GRIN3B: variants seen among roughly 807,000 people sequenced by gnomAD.
The protein encoded by GRIN3B is glutamate receptor ionotropic, NMDA 3B.
A neutral mutation model predicts 66.0 loss-of-function variants in GRIN3B; 77 were observed. The observed-to-expected ratio is 1.17, with a 90% CI of 0.97 to 1.41. The LOEUF is 1.41. Ranked by LOEUF, GRIN3B falls within the 40% of genes most tolerant of loss-of-function variation. The pLI, the probability that GRIN3B is intolerant of heterozygous loss-of-function variation, is 0.00. For synonymous variants in GRIN3B, 823 were observed against 749.7 expected (o/e 1.10, Z -1.60); for missense variants, 1,787 against 1,564.5 (o/e 1.14, Z -2.40).
At chr19:1,004,476 G>C in intron 2 of GRIN3B, 45 bp from the exon 3 acceptor site, 1 of 1,492,792 alleles carries the variant, frequency 6.7e-7, no homozygotes, top group Non-Finnish European at 9.1e-7. Context: ...GAGGATGGAG[G>C]GGTGTGAACT....
intron 6 of GRIN3B, 133 bp downstream of exon 6, chr19:1,008,424 C>T (rs890236194): frequency 1.9e-6 from 2 of 1,038,770 alleles, no homozygotes; most frequent in African/African-American, 1.6e-5. Context: ...TTCTATTCAC[C>T]CTACAAAACC....
rs780373059 is a variant in GRIN3B at position 1,007,949 on chromosome 19, G to A, written c.2292G>A (p.Val764=). The A allele has an allele frequency of 3.1e-6, 5 of 1,612,166 alleles. No homozygotes were observed. In the Admixed American group the frequency reaches 5.0e-5, roughly 16 times the overall value. ...SIDADCKLLT[V]GKPFAIEGYG... ...ACGCCGACTGCAAACTGCTGACCGT[G>A]GGAAAGCCCTTCGCCATTGAGGGTG... The change falls in exon 5 of 9, where the codon GTG becomes GTA. Residue 764 remains valine, a synonymous_variant. Transcript: ENST00000234389. The surrounding 1 kb of genome is among the most constrained non-coding windows in gnomAD (Gnocchi z 4.4).
At position 1,004,816 on chromosome 19, in the gene GRIN3B, T is replaced by G; in HGVS notation, c.1315T>G (p.Cys439Gly). 6.2e-7 allele frequency: 1 copy of G among 1,612,730 alleles called. No individual in the cohort carries two copies. The highest frequency in any genetic ancestry group is 8.5e-7 in the Non-Finnish European group (1 of 1,179,520). ...FARDPDEDGQ[C>G]PAGQLCLDPG... ...CCGTGATCCAGACGAAGACGGGCAG[T>G]GCCCAGCGGGGCAGCTGTGCCTGGA... The change falls in exon 3 of 9, where the codon TGC (cysteine) becomes GGC (glycine). Residue 439 changes from cysteine (C) to glycine (G), a missense_variant. Cys to Gly is a radical substitution (Grantham distance 159). Transcript: ENST00000234389.
rs1231331570 is a variant in GRIN3B at position 1,000,453 on chromosome 19, G to A, written c.16G>A (p.Ala6Thr). The change falls in exon 1 of 9, where the codon GCG becomes ACG. Residue 6 changes from alanine to threonine, a missense_variant. Ala to Thr is a moderately conservative substitution (Grantham distance 58, BLOSUM62 0). Transcript: ENST00000234389. MEFVR[A>T]LWLGLALALG... ...CAACTTTGCGATGGAGTTTGTGCGG[G>A]CGCTGTGGCTGGGCCTGGCGCTGGC... is the stretch of plus-strand genomic sequence containing the variant. 2 of 1,212,978 alleles carry A rather than the reference G, an allele frequency of 1.6e-6. No homozygotes were observed. Among genetic ancestry groups the A allele is most frequent in the Non-Finnish European group, 2.1e-6 (2 of 974,522 alleles). The allele number at this position is 1,212,978 out of a possible 1,614,324, so 75.1% of individuals were successfully genotyped here. A position where few individuals can be genotyped will look rare whatever the true frequency, so the allele number is the denominator to read the frequency against.
chr19:1,009,123 C>G, intron 8 of GRIN3B, 50 bp from the exon 9 acceptor site: 1 of 1,440,490 alleles, frequency 6.9e-7, no homozygotes, highest in South Asian at 1.5e-5. Flanking sequence ...AGGCCCAGGG[C>G]GCGAGACGGC....
In GRIN3B at chr19:1,000,716, G is replaced by A. The variant is rs2038675512; in HGVS notation, c.279G>A (p.Gln93=). Residue 93 remains glutamine (Q), a synonymous_variant, in exon 1 of 9, where the codon CAG becomes CAA. Coordinates refer to ENST00000234389, the MANE Select transcript of GRIN3B (RefSeq NM_138690.3). ...CCTCGCTGACCCGCGGCCTGTGCCA[G>A]GCGCTGGTGCCTCCGGGCGTGGCGG... ...DPASLTRGLC[Q]ALVPPGVAAL... The A allele has an allele frequency of 1.4e-6, 2 of 1,419,510 alleles. No homozygotes were observed. The highest frequency in any genetic ancestry group is 1.8e-6 in the Non-Finnish European group (2 of 1,088,276). 87.9% of individuals were successfully genotyped at this position (1,419,510 alleles called of 1,614,324 possible). A position where few individuals can be genotyped will look rare whatever the true frequency, so the allele number is the denominator to read the frequency against.
At position 1,000,719 on chromosome 19, in the gene GRIN3B, G is replaced by T; in HGVS notation, c.282G>T (p.Ala94=). 1.4e-6 allele frequency: 2 copies of T among 1,424,936 alleles called. No homozygotes were observed. Among genetic ancestry groups the T allele is most frequent in the Non-Finnish European group, 1.8e-6 (2 of 1,091,638 alleles). 88.3% of individuals were successfully genotyped at this position (1,424,936 alleles called of 1,614,324 possible). A position where few individuals can be genotyped will look rare whatever the true frequency, so the allele number is the denominator to read the frequency against. ...PASLTRGLCQ[A]LVPPGVAALL... is the part of the protein sequence containing the mutation. ...CGCTGACCCGCGGCCTGTGCCAGGC[G>T]CTGGTGCCTCCGGGCGTGGCGGCCC... The change falls in exon 1 of 9, where the codon GCG becomes GCT. Residue 94 remains alanine (A), a synonymous_variant. Coordinates refer to ENST00000234389, the MANE Select transcript of GRIN3B (RefSeq NM_138690.3).
At position 1,003,236 on chromosome 19, in the gene GRIN3B, T is replaced by C; in HGVS notation, c.533T>C (p.Leu178Pro). ...GCCTGGGAAGACGTCGGCCTGGCCCTGTGCCGCACTCAGGACCCCGGCGGC... is the reference window on the plus strand; with the variant it reads ...GCCTGGGAAGACGTCGGCCTGGCCCCGTGCCGCACTCAGGACCCCGGCGGC... The part of the protein sequence containing the change: ...AHAWEDVGLA[L>P]CRTQDPGGLV... Residue 178 changes from leucine (L) to proline (P), a missense_variant, in exon 2 of 9, where the codon CTG becomes CCG. Leu to Pro is a moderately conservative substitution (Grantham distance 98, BLOSUM62 -3). Coordinates refer to ENST00000234389, the MANE Select transcript of GRIN3B (RefSeq NM_138690.3). The C allele has an allele frequency of 6.3e-7, 1 of 1,575,550 alleles. No individual in the cohort carries two copies. The highest frequency in any genetic ancestry group is 8.6e-7 in the Non-Finnish European group (1 of 1,162,622).
In GRIN3B at chr19:1,000,539, G is replaced by A. The variant is rs2038671165; in HGVS notation, c.102G>A (p.Gly34=). 8.6e-7 allele frequency: 1 copy of A among 1,157,462 alleles called. No individual in the cohort carries two copies. The highest frequency in any genetic ancestry group is 1.1e-6 in the Non-Finnish European group (1 of 940,734). The allele number at this position is 1,157,462 out of a possible 1,614,324, so 71.7% of individuals were successfully genotyped here. A position where few individuals can be genotyped will look rare whatever the true frequency, so the allele number is the denominator to read the frequency against. Residue 34 remains glycine, a synonymous_variant, in exon 1 of 9, where the codon GGG becomes GGA. Coordinates refer to ENST00000234389, the MANE Select transcript of GRIN3B (RefSeq NM_138690.3). ...PQPCGVLARL[G]GSVRLGALLP... ...CGTGCGGCGTCCTGGCGCGCCTCGG[G>A]GGCTCCGTGCGCCTGGGCGCCCTCC... is the stretch of plus-strand genomic sequence containing the variant.
Position 1,007,728 on chromosome 19 carries a change from G to A in GRIN3B, c.2153G>A (p.Arg718Gln), listed in dbSNP as rs1247511490. The A allele has an allele frequency of 4.6e-6, 7 of 1,528,842 alleles. No individual in the cohort carries two copies. The East Asian group carries it at 7.7e-5, about 17-fold the overall frequency. The allele number at this position is 1,528,842 out of a possible 1,614,324, so 94.7% of individuals were successfully genotyped here. The change falls in exon 4 of 9, where the codon CGG becomes CAG. Residue 718 changes from arginine to glutamine, a missense_variant. Physicochemically the swap from Arg to Gln is conservative, Grantham distance 43. Transcript: ENST00000234389. This position sits in a 1 kb window ranked among gnomAD's most constrained non-coding sequence, Gnocchi z 4.4. ...KSFPDMHAHM[R>Q]RHSAPTTPRG... ...TTCCCCGACATGCACGCACACATGC[G>A]GCGCCACAGCGCGCCCACCACGCCC...
At chr19:1,001,253 C>G (rs2038681781) in intron 1 of GRIN3B, among the ~76,000 whole-genome samples, 1 of 152,006 alleles carries the variant, frequency 6.6e-6, no homozygotes, top group Non-Finnish European at 1.5e-5. Flanking sequence ...CTCCTGGTCC[C>G]CACCCGGCTC....
chr19:1,008,723 C>T lies in GRIN3B; in HGVS notation c.2572C>T (p.Leu858=). ...SSLGEHAFFR[L]ALPRIRKGSR... ...GCTGGGCGAGCACGCCTTCTTCCGC[C>T]TGGCGCTGCCGCGCATCCGCAAGGG... Residue 858 remains leucine, a synonymous_variant, in exon 7 of 9, where the codon CTG becomes TTG. Coordinates refer to ENST00000234389, the MANE Select transcript of GRIN3B (RefSeq NM_138690.3). 1 of 1,608,758 alleles carries T rather than the reference C, an allele frequency of 6.2e-7. No individual in the cohort carries two copies. The highest frequency in any genetic ancestry group is 8.5e-7 in the Non-Finnish European group (1 of 1,178,974).
Position 1,009,500 on chromosome 19 carries a change from G to A in GRIN3B, c.3030G>A (p.Gln1010=), listed in dbSNP as rs1328476012. 4.7e-6 allele frequency: 7 copies of A among 1,496,342 alleles called. No individual in the cohort carries two copies. The highest frequency in any genetic ancestry group is 3.8e-5 in the South Asian group (3 of 79,616). The allele number at this position is 1,496,342 out of a possible 1,614,324, so 92.7% of individuals were successfully genotyped here. The stretch of plus-strand genomic sequence containing the variant: ...TGCGGCGCGGCCAGCTCCTGGCACA[G>A]CTCGGGGACAGCGCACGTCACCGGC... The part of the protein sequence containing the change: ...ALVRRGQLLA[Q]LGDSARHRPR... Residue 1010 remains glutamine, a synonymous_variant, in exon 9 of 9, where the codon CAG becomes CAA. Coordinates refer to ENST00000234389, the MANE Select transcript of GRIN3B (RefSeq NM_138690.3).
intron 2 of GRIN3B, 22 bp from the exon 3 acceptor site, chr19:1,004,499 A>AGGCC: frequency 2.0e-6 from 3 of 1,526,584 alleles, no homozygotes; most frequent in Non-Finnish European, 2.7e-6. Context: ...GACACCTGAC[A>AGGCC]CCCCCCCCGC....
At chr19:1,008,015 A>T (rs1369733234) in intron 5 of GRIN3B, 44 bp downstream of exon 5, 19 of 1,594,692 alleles carry the variant, frequency 1.2e-5, no homozygotes, top group Non-Finnish European at 1.6e-5. Flanking sequence ...GTCTCTGGGG[A>T]CCTCCTGGGG....
At position 1,009,355 on chromosome 19, in the gene GRIN3B, G is replaced by A; in HGVS notation, c.2885G>A (p.Trp962Ter). ...AEAAPREGPV[W>*]LCSYGRPPAA... ...GCTGCGCCGCGAGAGGGCCCCGTCT[G>A]GCTGTGCTCCTACGGCCGCCCGCCC... is the stretch of plus-strand genomic sequence containing the variant. The change falls in exon 9 of 9, where the codon TGG becomes TAG. Residue 962 changes from tryptophan (W) to a stop codon, truncating the protein, a stop_gained. Transcript: ENST00000234389. LOFTEE classifies it low-confidence loss of function (END_TRUNC). 7.2e-7 allele frequency: 1 copy of A among 1,386,156 alleles called. No homozygotes were observed. The highest frequency in any genetic ancestry group is 9.3e-7 in the Non-Finnish European group (1 of 1,079,180). The allele number at this position is 1,386,156 out of a possible 1,614,324, so 85.9% of individuals were successfully genotyped here. A position where few individuals can be genotyped will look rare whatever the true frequency, so the allele number is the denominator to read the frequency against.
chr19:1,005,294 G>C lies in GRIN3B; in HGVS notation c.1793G>C (p.Arg598Pro). The C allele has an allele frequency of 6.2e-7, 1 of 1,613,572 alleles. No individual in the cohort carries two copies. The highest frequency in any genetic ancestry group is 1.1e-5 in the South Asian group (1 of 91,080). The change falls in exon 3 of 9, where the codon CGT becomes CCT. Residue 598 changes from arginine to proline, a missense_variant. Transcript: ENST00000234389. The surrounding 1 kb of genome is among the most constrained non-coding windows in gnomAD (Gnocchi z 5.2). ...CTCTTCCTCACCGTGTACGAGTGGC[G>C]TAGCCCCTACGGCCTCACGCCACGT... ...TALFLTVYEW[R>P]SPYGLTPRGR... is the part of the protein sequence containing the mutation.
In GRIN3B at chr19:1,009,504, G is replaced by C. The variant is rs1324475348; in HGVS notation, c.3034G>C (p.Gly1012Arg). 1 of 1,495,358 alleles carries C rather than the reference G, an allele frequency of 6.7e-7. No individual in the cohort carries two copies. The highest frequency in any genetic ancestry group is 2.2e-5 in the Admixed American group (1 of 46,490). The allele number at this position is 1,495,358 out of a possible 1,614,324, so 92.6% of individuals were successfully genotyped here. ...VRRGQLLAQL[G>R]DSARHRPRRL... is the part of the protein sequence containing the mutation. ...GCGCGGCCAGCTCCTGGCACAGCTC[G>C]GGGACAGCGCACGTCACCGGCCTCG... The change falls in exon 9 of 9, where the codon GGG (glycine) becomes CGG (arginine). Residue 1012 changes from glycine (G) to arginine (R), a missense_variant. Transcript: ENST00000234389.
In GRIN3B at chr19:1,000,428, C is replaced by A. The variant is rs1163041326; in HGVS notation, c.-10C>A. 8.2e-7 allele frequency: 1 copy of A among 1,213,176 alleles called. No homozygotes were observed. The highest frequency in any genetic ancestry group is 2.2e-4 in the Middle Eastern group (1 of 4,486). 75.2% of individuals were successfully genotyped at this position (1,213,176 alleles called of 1,614,324 possible). A position where few individuals can be genotyped will look rare whatever the true frequency, so the allele number is the denominator to read the frequency against. ...TGCGCCCCGTGGCGAGCGACGCCGA[C>A]AACTTTGCGATGGAGTTTGTGCGGG... On this transcript the variant is annotated 5_prime_UTR_variant, in exon 1 of 9. Coordinates refer to ENST00000234389, the MANE Select transcript of GRIN3B (RefSeq NM_138690.3).
Sources: allele counts gnomAD v4.1 joint callset (sites outside exome capture counted in the v4.1 genomes callset), GRCh38; gene constraint gnomAD v4.1.1; non-coding constraint Gnocchi (gnomAD v3.1); transcripts MANE v1.5; gene names NCBI Gene and HGNC (gene_info 2026-07-23, HGNC 2026-07-21).